Variants in VPS13D observed in about 807,000 individuals in gnomAD.
VPS13D encodes vacuolar protein sorting 13 homolog D.
A neutral mutation model predicts 461.9 loss-of-function variants in VPS13D; 187 were observed. That is an observed-to-expected ratio of 0.40 (90% confidence interval 0.36 to 0.46). VPS13D has a LOEUF of 0.46. Ranked by LOEUF, VPS13D falls within the 20% of genes least tolerant of loss-of-function variation. The probability of loss-of-function intolerance (pLI) is 0.60; values close to 1 mark genes in which losing one functional copy is unlikely to be tolerated. For synonymous variants in VPS13D, 1,951 were observed against 1,986.3 expected (o/e 0.98, Z 0.47); for missense variants, 4,711 against 5,364.9 (o/e 0.88, Z 3.81).
Position 12,393,376 on chromosome 1 carries a change from G to C in VPS13D, c.11635-6805G>C, listed in dbSNP as rs908139514. Among the ~76,000 whole-genome samples, 11 of 152,330 alleles carry C rather than the reference G, an allele frequency of 7.2e-5. No individual in the cohort carries two copies. The South Asian group carries it at 2.3e-3, about 32-fold the overall frequency. On this transcript the variant is annotated intron_variant, in intron 60 of 69. Coordinates refer to ENST00000620676, the MANE Select transcript of VPS13D (RefSeq NM_015378.4). ...TATATTGCTAGCTTTGCCAGCTGAA[G>C]GCAAATTGCTTCTGGTAGGCCTTGT...
At chr1:12,364,848 G>A (rs1287174600) in intron 52 of VPS13D, among the ~76,000 whole-genome samples, 2 of 152,142 alleles carry the variant, frequency 1.3e-5, no homozygotes, top group Non-Finnish European at 2.9e-5. Flanking sequence ...GAATTAGGTT[G>A]TTTTTGAATT....
chr1:12,277,383 C>T lies in VPS13D; in HGVS notation c.3795C>T (p.Ala1265=), dbSNP rs765626574. ...TGTTTGTCAGAATGGAAGATGCAGCCCTCACTGAAGCTTTGAGTTTCACGT... is the reference window on the plus strand; with the variant it reads ...TGTTTGTCAGAATGGAAGATGCAGCTCTCACTGAAGCTTTGAGTTTCACGT... ...ESVFVRMEDA[A]LTEALSFTFV... is the part of the protein sequence containing the mutation. The change falls in exon 19 of 70, where the codon GCC becomes GCT. Residue 1265 remains alanine, a synonymous_variant. Coordinates refer to ENST00000620676, the MANE Select transcript of VPS13D (RefSeq NM_015378.4). The T allele has an allele frequency of 1.2e-6, 2 of 1,614,090 alleles. No individual in the cohort carries two copies. Among genetic ancestry groups the T allele is most frequent in the South Asian group, 2.2e-5 (2 of 91,082 alleles).
At chr1:12,480,331 G>GGCA (rs1645698047) in intron 67 of VPS13D, among the ~76,000 whole-genome samples, 1 of 152,236 alleles carries the variant, frequency 6.6e-6, no homozygotes. Flanking sequence ...CATGTGCTCA[G>GGCA]TATGTCATAG....
chr1:12,473,948 C>T lies in VPS13D; in HGVS notation c.12662+13552C>T, dbSNP rs1283161441. 6.6e-6 allele frequency among the ~76,000 whole-genome samples: 1 copy of T among 152,106 alleles called. No individual in the cohort carries two copies. The highest frequency in any genetic ancestry group is 2.4e-5 in the African/African-American group (1 of 41,408). On this transcript the variant is annotated intron_variant, in intron 67 of 69. Coordinates refer to ENST00000620676, the MANE Select transcript of VPS13D (RefSeq NM_015378.4). The surrounding 1 kb of genome is among the most constrained non-coding windows in gnomAD (Gnocchi z 4.2). Reference sequence around the variant, plus strand: ...CCGCACTGGAAAAGGTGTGCAGAGGCCACGAACTTGCTCTGAACCCACTTG... The same window carrying T: ...CCGCACTGGAAAAGGTGTGCAGAGGTCACGAACTTGCTCTGAACCCACTTG...
chr1:12,404,166 T>TAA (rs75598248), intron 63 of VPS13D, among the ~76,000 whole-genome samples, 193 bp downstream of exon 63: 15 of 123,176 alleles, frequency 1.2e-4, no homozygotes, highest in African/African-American at 3.5e-4. Flanking sequence ...TATTTGTCTT[T>TAA]AAAAAAAAAA....
At chr1:12,311,699 A>T (rs563013550) in intron 28 of VPS13D, 74 bp downstream of exon 28, 1 of 1,591,422 alleles carries the variant, frequency 6.3e-7, no homozygotes, top group African/African-American at 1.3e-5. Flanking sequence ...CTATTCCTCA[A>T]ACTCACTTGG....
Position 12,321,869 on chromosome 1 carries a change from C to T in VPS13D, c.7609C>T (p.Gln2537Ter). 1 of 1,613,160 alleles carries T rather than the reference C, an allele frequency of 6.2e-7. No individual in the cohort carries two copies. Among genetic ancestry groups the T allele is most frequent in the Non-Finnish European group, 8.5e-7 (1 of 1,179,660 alleles). Residue 2537 changes from glutamine to a stop codon, truncating the protein, a stop_gained, in exon 33 of 70, where the codon CAA becomes TAA. Transcript: ENST00000620676. LOFTEE classifies it high-confidence loss of function. ...DTALSIVDPV[Q>*]IQMELVGNSS... ...AGCTCTTTCAATTGTGGATCCCGTA[C>T]AAATTCAAATGGAGTTGGTGGGGAA...
intron 49 of VPS13D, among the ~76,000 whole-genome samples, chr1:12,357,860 C>T (rs545053415): frequency 8.5e-5 from 13 of 152,136 alleles, no homozygotes; most frequent in South Asian, 2.1e-4. Flanking sequence ...AAAAATTAGC[C>T]GGGTGTGGTG....
intron 67 of VPS13D, among the ~76,000 whole-genome samples, chr1:12,492,526 C>T (rs763080666): frequency 1.3e-5 from 2 of 152,182 alleles, no homozygotes; most frequent in African/African-American, 2.4e-5. Flanking sequence ...GGATATAGAT[C>T]GCTAGGGCCC....
At chr1:12,237,239 T>A (rs1043507152) in intron 2 of VPS13D, among the ~76,000 whole-genome samples, 42 of 136,692 alleles carry the variant, frequency 3.1e-4, no homozygotes, top group Admixed American at 6.7e-4. Context: ...TAAAGACAAA[T>A]AAAAAAAATA....
At chr1:12,482,260 A>G (rs1395478465) in intron 67 of VPS13D, among the ~76,000 whole-genome samples, 2 of 152,164 alleles carry the variant, frequency 1.3e-5, no homozygotes, top group African/African-American at 2.4e-5. Flanking sequence ...TACTCTTGAG[A>G]AACTCCACCC....
At chr1:12,372,599 G>A (rs1365202066) in intron 54 of VPS13D, among the ~76,000 whole-genome samples, 3 of 152,004 alleles carry the variant, frequency 2.0e-5, no homozygotes, top group African/African-American at 7.2e-5. Flanking sequence ...TTCATATCTG[G>A]TCTCTTACCA....
At chr1:12,236,458 GC>G in intron 2 of VPS13D, among the ~76,000 whole-genome samples, 1 of 152,146 alleles carries the variant, frequency 6.6e-6, no homozygotes, top group Middle Eastern at 3.4e-3. Flanking sequence ...TCACCTCAAT[GC>G]CACCTTGACC....
chr1:12,283,557 G>A lies in VPS13D; in HGVS notation c.5455G>A (p.Val1819Met), dbSNP rs745892936. The A allele has an allele frequency of 1.4e-5, 23 of 1,614,076 alleles. No homozygotes were observed. Among genetic ancestry groups the A allele is most frequent in the Non-Finnish European group, 1.9e-5 (23 of 1,180,044 alleles). ...SIDVDFNCLD[V>M]LITLQTWVVI... ...TGATGTTGATTTTAATTGCTTGGAT[G>A]TGCTGATCACACTGCAAACCTGGGT... The change falls in exon 21 of 70, where the codon GTG becomes ATG. Residue 1819 changes from valine to methionine, a missense_variant. Val to Met is a conservative substitution (Grantham distance 21). Around this residue, in one of 3 missense-constraint regions of VPS13D, gnomAD observed 4,411 missense variants for 4,937.8 expected, o/e 0.89. Coordinates refer to ENST00000620676, the MANE Select transcript of VPS13D (RefSeq NM_015378.4).
intron 44 of VPS13D, 59 bp from the exon 45 acceptor site, chr1:12,348,764 T>C: frequency 1.3e-6 from 2 of 1,588,498 alleles, no homozygotes; most frequent in Non-Finnish European, 1.7e-6. Context: ...ATCGATATTA[T>C]TGTATTTTAT....
rs781495289 is a variant in VPS13D, at chr1:12,403,976, G to A, written c.12030+3G>A. The A allele has an allele frequency of 6.3e-7, 1 of 1,577,594 alleles. No individual in the cohort carries two copies. The highest frequency in any genetic ancestry group is 8.6e-7 in the Non-Finnish European group (1 of 1,167,584). ...ACAAGCTCCCATTGGATCTTAAGGTGAGCTGCTATTTGGGTAAATTTTTTT... is the reference window on the plus strand; with the variant it reads ...ACAAGCTCCCATTGGATCTTAAGGTAAGCTGCTATTTGGGTAAATTTTTTT... On this transcript the variant is annotated splice_donor_region_variant and intron_variant, in intron 63 of 69. Coordinates refer to ENST00000620676, the MANE Select transcript of VPS13D (RefSeq NM_015378.4).
intron 61 of VPS13D, among the ~76,000 whole-genome samples, chr1:12,400,960 G>GCACACACACACACACA (rs1348890891): frequency 1.9e-4 from 25 of 130,958 alleles, no homozygotes; most frequent in South Asian, 7.8e-4. Flanking sequence ...ACCTGCGCGC[G>GCACACACACACACACA]CGCACACACA....
At chr1:12,480,340 A>G (rs1645698333) in intron 67 of VPS13D, among the ~76,000 whole-genome samples, 1 of 152,212 alleles carries the variant, frequency 6.6e-6, no homozygotes, top group African/African-American at 2.4e-5. Context: ...AGTATGTCAT[A>G]GCCATCTCCT....
intron 31 of VPS13D, among the ~76,000 whole-genome samples, chr1:12,319,174 T>C (rs1377439690): frequency 6.6e-6 from 1 of 152,190 alleles, no homozygotes; most frequent in Non-Finnish European, 1.5e-5. Context: ...AAGGATGATT[T>C]TGTGAACTTC....
Sources: allele counts gnomAD v4.1 joint callset (sites outside exome capture counted in the v4.1 genomes callset), GRCh38; gene constraint gnomAD v4.1.1; regional missense constraint gnomAD v4.1.1; non-coding constraint Gnocchi (gnomAD v3.1); transcripts MANE v1.5; gene names NCBI Gene and HGNC (gene_info 2026-07-23, HGNC 2026-07-21).